The following PPM1E variants were observed in gnomAD, a reference collection of about 807,000 sequenced individuals.
PPM1E encodes the protein protein phosphatase 1E.
In PPM1E, 20 loss-of-function variants were observed where a neutral mutation model predicts 65.9. That is an observed-to-expected ratio of 0.30 (90% CI 0.21 to 0.44). The LOEUF is 0.44. PPM1E is among the 20% of genes least tolerant of loss of function. The probability of loss-of-function intolerance (pLI) is 1.00; values close to 1 mark genes in which losing one functional copy is unlikely to be tolerated. For missense variants in PPM1E, 713 were observed against 953.1 expected, an observed-to-expected ratio of 0.75 and a Z score of 3.32; for synonymous variants, 352 against 374.9, an observed-to-expected ratio of 0.94 and a Z score of 0.70.
At chr17:58,891,529 T>G (rs1299951646) in intron 1 of PPM1E, among the ~76,000 whole-genome samples, 1 of 151,966 alleles carries the variant, frequency 6.6e-6, no homozygotes, top group Non-Finnish European at 1.5e-5. Context: ...TTCACCATAT[T>G]GGCCAGGCTG....
intron 1 of PPM1E, among the ~76,000 whole-genome samples, chr17:58,764,091 T>C (rs1318002740): frequency 6.6e-6 from 1 of 151,950 alleles, no homozygotes; most frequent in East Asian, 1.9e-4. Context: ...TTTCAACATG[T>C]AATCCATATT....
At chr17:58,925,274 C>T (rs1259745451) in intron 1 of PPM1E, among the ~76,000 whole-genome samples, 1 of 152,016 alleles carries the variant, frequency 6.6e-6, no homozygotes, top group African/African-American at 2.4e-5. Flanking sequence ...GCCATTCTGA[C>T]TGGTGTGAGA....
Position 58,985,025 on chromosome 17 carries a change from A to T in PPM1E, c.*3994A>T, listed in dbSNP as rs759861034. ...GAAGTGAATAATTTCTTACCAAATA[A>T]ATTTATCAATTTACAAATCTGCTCT... On this transcript the variant is annotated 3_prime_UTR_variant, in exon 7 of 7. Transcript: ENST00000308249. The T allele has an allele frequency of 6.6e-6, 1 of 152,628 alleles. No homozygotes were observed. Among genetic ancestry groups the T allele is most frequent in the African/African-American group, 2.4e-5 (1 of 41,436 alleles). The allele number at this position is 152,628 out of a possible 1,614,324, so 9.5% of individuals were successfully genotyped here.
intron 1 of PPM1E, among the ~76,000 whole-genome samples, chr17:58,802,874 T>G (rs988292656): frequency 1.1e-4 from 16 of 151,418 alleles, no homozygotes; most frequent in African/African-American, 3.2e-4. Context: ...TTTTTGTGTG[T>G]TTTTTTTTAT....
intron 1 of PPM1E, among the ~76,000 whole-genome samples, chr17:58,880,255 A>G (rs1381516504): frequency 6.6e-6 from 1 of 152,186 alleles, no homozygotes; most frequent in Non-Finnish European, 1.5e-5. Flanking sequence ...TGCTTTTAAG[A>G]AACAGAAAAG....
At chr17:58,808,154 T>C (rs560705018) in intron 1 of PPM1E, among the ~76,000 whole-genome samples, 1 of 152,360 alleles carries the variant, frequency 6.6e-6, no homozygotes, top group South Asian at 2.1e-4. Context: ...CTCTCTAGTA[T>C]GTTAAATTGG....
chr17:58,928,855 A>G (rs1358455125), intron 1 of PPM1E, among the ~76,000 whole-genome samples: 2 of 151,684 alleles, frequency 1.3e-5, no homozygotes, highest in Non-Finnish European at 2.9e-5. Flanking sequence ...GGCGCCCACC[A>G]CCACGCCCGG....
intron 1 of PPM1E, among the ~76,000 whole-genome samples, chr17:58,932,482 C>T (rs767155453): frequency 2.4e-4 from 37 of 151,732 alleles, no homozygotes; most frequent in Non-Finnish European, 4.9e-4. Context: ...AACAAACAAA[C>T]CACTAGCAGG....
At chr17:58,830,507 C>A (rs1170040948) in intron 1 of PPM1E, among the ~76,000 whole-genome samples, 1 of 151,684 alleles carries the variant, frequency 6.6e-6, no homozygotes, top group East Asian at 1.9e-4. Context: ...GGGGTTTCAC[C>A]ATGTTAGCCA....
At chr17:58,946,024 G>A (rs573084531) in intron 1 of PPM1E, among the ~76,000 whole-genome samples, 8 of 152,188 alleles carry the variant, frequency 5.3e-5, no homozygotes, top group Non-Finnish European at 1.0e-4. Flanking sequence ...TAGAAAATGG[G>A]AATAGGGTTG....
chr17:58,839,565 T>C (rs575118164), intron 1 of PPM1E, among the ~76,000 whole-genome samples: 95 of 152,306 alleles, frequency 6.2e-4, no homozygotes, highest in African/African-American at 2.2e-3. Context: ...TGCATGGGTT[T>C]ATAGGTTAAT....
At chr17:58,786,455 C>T (rs796978237) in intron 1 of PPM1E, among the ~76,000 whole-genome samples, 6 of 152,268 alleles carry the variant, frequency 3.9e-5, no homozygotes, top group African/African-American at 1.4e-4. Flanking sequence ...TGTTACCTGA[C>T]AGTTGATCTG....
Position 58,963,150 on chromosome 17 carries a change from C to T in PPM1E, c.584-2544C>T, listed in dbSNP as rs148353382. ...CTGTAATCCCAGCACTCTGGGAGGC[C>T]GAGGTGGGTGGATCACCTGAGGTCA... On this transcript the variant is annotated intron_variant, in intron 2 of 6. Coordinates refer to ENST00000308249, the MANE Select transcript of PPM1E (RefSeq NM_014906.5). Among the ~76,000 whole-genome samples the T allele has an allele frequency of 5.8e-3, 884 of 151,594 alleles. 5 individuals carry two copies. The highest frequency in any genetic ancestry group is 9.6e-3 in the African/African-American group (397 of 41,340).
intron 1 of PPM1E, among the ~76,000 whole-genome samples, chr17:58,932,079 C>T (rs2051907414): frequency 6.6e-6 from 1 of 152,082 alleles, no homozygotes; most frequent in South Asian, 2.1e-4. Context: ...AGTTTGAGAC[C>T]AGCCTGGGCA....
At chr17:58,849,786 G>A (rs1341415683) in intron 1 of PPM1E, among the ~76,000 whole-genome samples, 1 of 152,078 alleles carries the variant, frequency 6.6e-6, no homozygotes, top group Non-Finnish European at 1.5e-5. Context: ...TGTCTATTAG[G>A]TCTGCAGATG....
intron 1 of PPM1E, among the ~76,000 whole-genome samples, chr17:58,880,937 TAA>T (rs2051187773): frequency 6.6e-6 from 1 of 152,200 alleles, no homozygotes; most frequent in Non-Finnish European, 1.5e-5. Flanking sequence ...ATAATATATA[TAA>T]ACAACATGCA....
chr17:58,855,029 C>A (rs144943832), intron 1 of PPM1E, among the ~76,000 whole-genome samples: 2 of 152,228 alleles, frequency 1.3e-5, no homozygotes, highest in African/African-American at 4.8e-5. Flanking sequence ...CCTGGAAACT[C>A]AAGTGTGGAC....
intron 1 of PPM1E, among the ~76,000 whole-genome samples, chr17:58,765,240 C>T (rs1363536364): frequency 6.7e-6 from 1 of 149,806 alleles, no homozygotes; most frequent in Non-Finnish European, 1.5e-5. Context: ...TGCAGTGACA[C>T]GATCTCGGCT....
chr17:58,972,383 C>G, intron 5 of PPM1E, 108 bp downstream of exon 5: 1 of 1,216,688 alleles, frequency 8.2e-7, no homozygotes, highest in Non-Finnish European at 1.1e-6. Context: ...TGGAGTTTCA[C>G]TCTGTTGCCC....
Sources: gnomAD v4.1 joint callset for allele counts (sites outside exome capture counted in the v4.1 genomes callset) on GRCh38, gnomAD v4.1.1 for gene constraint, MANE v1.5 for transcripts, NCBI Gene and HGNC (gene_info 2026-07-23, HGNC 2026-07-21) for gene names.